The following CNTNAP5 variants were observed in gnomAD, a reference collection of about 807,000 sequenced individuals.
The protein encoded by CNTNAP5 is contactin-associated protein-like 5.
Under a neutral mutation model 150.2 loss-of-function variants are expected in CNTNAP5, and 72 were observed. The ratio of observed to expected loss-of-function variants is 0.48; its 90% confidence interval spans 0.40 to 0.58. CNTNAP5 has a LOEUF of 0.58. Among genes scored for constraint, CNTNAP5 ranks in the 20% least tolerant of loss-of-function variants. The pLI, the probability that CNTNAP5 is intolerant of heterozygous loss-of-function variation, is 0.00. For missense variants in CNTNAP5, 1,636 were observed against 1,626.2 expected, an observed-to-expected ratio of 1.01 and a Z score of -0.10; for synonymous variants, 672 against 619.8, an observed-to-expected ratio of 1.08 and a Z score of -1.25.
chr2:124,176,619 G>A (rs1673249739), intron 1 of CNTNAP5, among the ~76,000 whole-genome samples: 1 of 152,148 alleles, frequency 6.6e-6, no homozygotes, highest in African/African-American at 2.4e-5. Context: ...CTTAGGTTCA[G>A]TGAAGTTTGG....
chr2:124,876,581 G>A (rs1677865502), intron 21 of CNTNAP5, among the ~76,000 whole-genome samples: 1 of 151,740 alleles, frequency 6.6e-6, no homozygotes, highest in Non-Finnish European at 1.5e-5. Context: ...AATAATAGTT[G>A]AGCTATGCTC....
intron 2 of CNTNAP5, among the ~76,000 whole-genome samples, chr2:124,237,809 C>T (rs946305103): frequency 2.0e-5 from 3 of 152,136 alleles, no homozygotes; most frequent in Non-Finnish European, 4.4e-5. Context: ...TGCACTCCAG[C>T]CTGGGCGACA....
At chr2:124,885,594 A>G (rs1345911384) in intron 21 of CNTNAP5, among the ~76,000 whole-genome samples, 4 of 144,456 alleles carry the variant, frequency 2.8e-5, no homozygotes, top group East Asian at 2.1e-4. Flanking sequence ...CACACAACTC[A>G]GTACCCATTA....
chr2:124,548,934 A>C (rs899725463), intron 10 of CNTNAP5, among the ~76,000 whole-genome samples: 20 of 152,130 alleles, frequency 1.3e-4, no homozygotes, highest in South Asian at 2.1e-4. Context: ...TATATGACTG[A>C]ATCTTGTCAC....
At chr2:124,835,007 C>T (rs1682799765) in intron 19 of CNTNAP5, among the ~76,000 whole-genome samples, 2 of 151,502 alleles carry the variant, frequency 1.3e-5, no homozygotes, top group Non-Finnish European at 2.9e-5. Flanking sequence ...TTTTGAAAGG[C>T]TATTATGAGG....
chr2:124,167,275 A>G (rs2104657950), intron 1 of CNTNAP5, among the ~76,000 whole-genome samples: 1 of 152,192 alleles, frequency 6.6e-6, no homozygotes, highest in South Asian at 2.1e-4. Context: ...CCTCAACACA[A>G]GTTTTAGGGG....
intron 23 of CNTNAP5, among the ~76,000 whole-genome samples, chr2:124,913,255 G>A (rs1191253697): frequency 2.0e-5 from 3 of 151,998 alleles, no homozygotes; most frequent in African/African-American, 7.2e-5. Flanking sequence ...ATATTTTCAT[G>A]CTGAAATACT....
intron 1 of CNTNAP5, among the ~76,000 whole-genome samples, chr2:124,152,136 C>T (rs1465027697): frequency 6.6e-6 from 1 of 152,160 alleles, no homozygotes; most frequent in African/African-American, 2.4e-5. Flanking sequence ...AACTTGCTGA[C>T]TGCGCTCTAC....
chr2:124,504,823 C>A (rs1250830361), intron 8 of CNTNAP5, among the ~76,000 whole-genome samples: 1 of 151,008 alleles, frequency 6.6e-6, no homozygotes, highest in Non-Finnish European at 1.5e-5. Context: ...TCTCCTGCCT[C>A]AGCTTCCTGA....
intron 4 of CNTNAP5, among the ~76,000 whole-genome samples, chr2:124,426,881 A>C (rs969894512): frequency 6.6e-6 from 1 of 152,092 alleles, no homozygotes. Context: ...AGGATGGGGG[A>C]GCGCATGCTG....
intron 19 of CNTNAP5, among the ~76,000 whole-genome samples, chr2:124,845,030 A>G (rs774223671): frequency 1.1e-4 from 16 of 152,026 alleles, no homozygotes; most frequent in Non-Finnish European, 2.2e-4. Flanking sequence ...TAGAAGTGGT[A>G]AAAGTGGGCA....
In CNTNAP5 at chr2:124,485,073, G is replaced by A. The variant is rs562304244; in HGVS notation, c.1062+10191G>A. 3.1e-4 allele frequency among the ~76,000 whole-genome samples: 47 copies of A among 151,750 alleles called. No individual in the cohort carries two copies. In the South Asian group the frequency reaches 9.0e-3, roughly 29 times the overall value. On this transcript the variant is annotated intron_variant, in intron 7 of 23. Transcript: ENST00000682447. ...TCACCTTTTGTCACAAGATTCAGAA[G>A]ACATCTCTATGTGTCAAGTTCTGAG...
At chr2:124,255,584 T>TAAAATAAAATAAAATAA (rs1558821619) in intron 3 of CNTNAP5, among the ~76,000 whole-genome samples, 2 of 59,040 alleles carry the variant, frequency 3.4e-5, no homozygotes, top group African/African-American at 1.2e-4. Context: ...TAAAATAAAA[T>TAAAATAAAATAAAATAA]AATAATTTTT....
intron 17 of CNTNAP5, among the ~76,000 whole-genome samples, chr2:124,777,865 G>T (rs1050634485): frequency 1.1e-4 from 16 of 149,984 alleles, no homozygotes; most frequent in African/African-American, 3.7e-4. Flanking sequence ...ATGCAGCATG[G>T]TATCATCTTC....
chr2:124,295,307 G>C (rs574672940), intron 3 of CNTNAP5, among the ~76,000 whole-genome samples: 20 of 76,706 alleles, frequency 2.6e-4, no homozygotes, highest in South Asian at 2.4e-3. Context: ...AGGTGGGAGA[G>C]TCGTTTATAT....
Position 124,674,509 on chromosome 2 carries a change from CT to C in CNTNAP5, c.2077+26552del, listed in dbSNP as rs1678892477. Among the ~76,000 whole-genome samples, 100 of 115,458 alleles carry C rather than the reference CT, an allele frequency of 8.7e-4. 1 individual carries two copies. Among genetic ancestry groups the C allele is most frequent in the African/African-American group, 2.8e-3 (90 of 31,990 alleles). 75.7% of individuals were successfully genotyped at this position (115,458 alleles called of 152,430 possible). A position where few individuals can be genotyped will look rare whatever the true frequency, so the allele number is the denominator to read the frequency against. On this transcript the variant is annotated intron_variant, in intron 13 of 23. Transcript: ENST00000682447. Reference sequence around the variant, plus strand: ...CCCTCTCTACTTCCTTTCTTTCTTTCTCTTTCTTTCTTTCTTTCTTTCTTTC... The same window carrying C: ...CCCTCTCTACTTCCTTTCTTTCTTTCCTTTCTTTCTTTCTTTCTTTCTTTC...
chr2:124,539,677 C>T (rs888017453), intron 10 of CNTNAP5, among the ~76,000 whole-genome samples: 1 of 152,038 alleles, frequency 6.6e-6, no homozygotes, highest in Non-Finnish European at 1.5e-5. Context: ...TGACTGAGAT[C>T]GGAAAGAAAA....
intron 10 of CNTNAP5, among the ~76,000 whole-genome samples, chr2:124,533,050 T>A (rs1474051653): frequency 2.0e-5 from 3 of 151,360 alleles, no homozygotes; most frequent in Non-Finnish European, 4.4e-5. Context: ...CCCTCCCAAA[T>A]CAGTCTGCTT....
intron 3 of CNTNAP5, among the ~76,000 whole-genome samples, chr2:124,261,775 T>C (rs1687463689): frequency 6.6e-6 from 1 of 152,176 alleles, no homozygotes. Context: ...CAGGTACCAG[T>C]CCTCCTGCTC....
Sources: allele counts gnomAD v4.1 joint callset (sites outside exome capture counted in the v4.1 genomes callset), GRCh38; gene constraint gnomAD v4.1.1; transcripts MANE v1.5; gene names NCBI Gene and HGNC (gene_info 2026-07-23, HGNC 2026-07-21).